Variants in PKD1 observed in about 807,000 individuals in gnomAD.
The protein encoded by PKD1 is polycystin 1, transient receptor potential channel interacting, also known as polycystin-1.
PKD1 carries 81 observed loss-of-function variants against 361.7 expected under a neutral mutation model. The observed-to-expected ratio is 0.22, with a 90% CI of 0.19 to 0.27. PKD1 has a LOEUF of 0.27. PKD1 is among the 10% of genes least tolerant of loss of function. The pLI is 1.00. For missense variants in PKD1, 6,399 were observed against 6,118.3 expected (o/e 1.05, Z -1.53); for synonymous variants, 3,615 against 2,818.3 (o/e 1.28, Z -8.95).
intron 43 of PKD1, 21 bp downstream of exon 43, chr16:2,090,863 G>A (rs780706091): frequency 1.9e-6 from 3 of 1,606,922 alleles, no homozygotes; most frequent in East Asian, 2.2e-5. Context: ...CCAGCCCCGC[G>A]CCCACCGGCC....
intron 42 of PKD1, 88 bp from the exon 43 acceptor site, chr16:2,091,262 A>AGGGGGCGGGACGCTG: frequency 7.7e-6 from 1 of 129,248 alleles, no homozygotes. Flanking sequence ...GCGGGGCCCT[A>AGGGGGCGGGACGCTG]CGAGGGGGCG....
At chr16:2,133,697 G>C (rs1394349876) in intron 1 of PKD1, among the ~76,000 whole-genome samples, 1 of 151,998 alleles carries the variant, frequency 6.6e-6, no homozygotes, top group Non-Finnish European at 1.5e-5. Flanking sequence ...CCCAGCGGCG[G>C]CCCCAGGTGT....
In PKD1 at chr16:2,118,436, C is replaced by G. The variant is rs1176754937; in HGVS notation, c.556G>C (p.Asp186His). 1.6e-5 allele frequency: 19 copies of G among 1,211,222 alleles called. No individual in the cohort carries two copies. The highest frequency in any genetic ancestry group is 2.2e-5 in the Non-Finnish European group (19 of 851,046). The allele number at this position is 1,211,222 out of a possible 1,614,324, so 75.0% of individuals were successfully genotyped here. A position where few individuals can be genotyped will look rare whatever the true frequency, so the allele number is the denominator to read the frequency against. The stretch of plus-strand genomic sequence containing the variant: ...GCTGCCACGGTGCCTGAGCTGTTGT[C>G]AGGGAGGCAGGCGACATACTCCTCA... ...CGEEYVACLP[D>H]NSSGTVAAVS... Residue 186 changes from aspartate (D) to histidine (H), a missense_variant, in exon 5 of 46, where the codon GAC becomes CAC. Physicochemically the swap from Asp to His is moderately conservative, Grantham distance 81. Coordinates refer to ENST00000262304, the MANE Select transcript of PKD1 (RefSeq NM_001009944.3). The surrounding 1 kb of genome is among the most constrained non-coding windows in gnomAD (Gnocchi z 6.0).
In PKD1 at chr16:2,089,822, G is replaced by C. The variant is rs144648696; in HGVS notation, c.12817C>G (p.Arg4273Gly). The change falls in exon 46 of 46, where the codon CGC (arginine) becomes GGC (glycine). Residue 4273 changes from arginine (R) to glycine (G), a missense_variant. By Grantham distance (125) the Arg-to-Gly change is moderately radical (BLOSUM62 -2). Transcript: ENST00000262304. ...SPGLRPALPS[R>G]LARASRGVDL... ...ACACCCCGACTGGCCCGGGCAAGGC[G>C]GCTGGGCAGTGCTGGCCGCAGGCCC... 1.9e-6 allele frequency: 3 copies of C among 1,602,966 alleles called. No homozygotes were observed. Among genetic ancestry groups the C allele is most frequent in the Non-Finnish European group, 2.6e-6 (3 of 1,175,492 alleles).
Position 2,102,555 on chromosome 16 carries a change from G to T in PKD1, c.9027C>A (p.Gly3009=), listed in dbSNP as rs1353069799. Residue 3009 remains glycine, a synonymous_variant, in exon 25 of 46, where the codon GGC becomes GGA. Transcript: ENST00000262304. The stretch of plus-strand genomic sequence containing the variant: ...AGTACTGGCACAGGGACGTGTACAG[G>T]CCCACGGACACCTGCAGCGCCGACC... ...FRWSALQVSV[G]LYTSLCQYFS... is the part of the protein sequence containing the mutation. 6.2e-7 allele frequency: 1 copy of T among 1,610,842 alleles called. No homozygotes were observed. The highest frequency in any genetic ancestry group is 8.5e-7 in the Non-Finnish European group (1 of 1,179,700).
Position 2,091,043 on chromosome 16 carries a change from C to T in PKD1, c.11844G>A (p.Thr3948=), listed in dbSNP as rs1304559824. The change falls in exon 43 of 46, where the codon ACG becomes ACA. Residue 3948 remains threonine, a synonymous_variant. Transcript: ENST00000262304. The part of the protein sequence containing the change: ...RWLLVALTAA[T]ALVRLAQLGA... ...CCAGCTGGGCGAGGCGTACCAGTGC[C>T]GTGGCCGCCGTCAGCGCCACCAGCA... is the stretch of plus-strand genomic sequence containing the variant. The T allele has an allele frequency of 7.9e-6, 12 of 1,526,280 alleles. No individual in the cohort carries two copies. Among genetic ancestry groups the T allele is most frequent in the Non-Finnish European group, 1.1e-5 (12 of 1,142,070 alleles). The allele number at this position is 1,526,280 out of a possible 1,614,324, so 94.5% of individuals were successfully genotyped here. A position where few individuals can be genotyped will look rare whatever the true frequency, so the allele number is the denominator to read the frequency against.
At chr16:2,119,969 G>A (rs1291292756) in intron 1 of PKD1, 12 of 601,398 alleles carry the variant, frequency 2.0e-5, no homozygotes, top group Non-Finnish European at 2.7e-5. Flanking sequence ...ACACAGCACC[G>A]TGGGAGCTGA....
In PKD1 at chr16:2,110,049, G is replaced by A. The variant is rs71385733; in HGVS notation, c.5118C>T (p.Ala1706=). ...CGAAGTCCATGGTGCAGTCGGCCCAGGCGCTGCCCAGCATGTTGGTGGCCC... is the reference window on the plus strand; with the variant it reads ...CGAAGTCCATGGTGCAGTCGGCCCAAGCGCTGCCCAGCATGTTGGTGGCCC... ...QLRATNMLGS[A]WADCTMDFVE... The change falls in exon 15 of 46, where the codon GCC becomes GCT. Residue 1706 remains alanine (A), a synonymous_variant. Transcript: ENST00000262304. The A allele has an allele frequency of 1.1e-5, 17 of 1,610,218 alleles. No homozygotes were observed. Among genetic ancestry groups the A allele is most frequent in the South Asian group, 7.7e-5 (7 of 90,948 alleles).
In PKD1 at chr16:2,090,639, G is replaced by C. The variant is rs376948349; in HGVS notation, c.12138+35C>G. On this transcript the variant is annotated intron_variant, in intron 44 of 45. Coordinates refer to ENST00000262304, the MANE Select transcript of PKD1 (RefSeq NM_001009944.3). ...AGGGCGTACAGCTGAGCTGAGCTGAGCTAAGACGCCCTCCCCGGCCGCGCA... is the reference window on the plus strand; with the variant it reads ...AGGGCGTACAGCTGAGCTGAGCTGACCTAAGACGCCCTCCCCGGCCGCGCA... 9.2e-5 allele frequency: 148 copies of C among 1,610,122 alleles called. No individual in the cohort carries two copies. In the African/African-American group the frequency reaches 1.8e-3, roughly 20 times the overall value.
At chr16:2,130,286 A>G (rs932176818) in intron 1 of PKD1, among the ~76,000 whole-genome samples, 1 of 152,068 alleles carries the variant, frequency 6.6e-6, no homozygotes, top group African/African-American at 2.4e-5. Flanking sequence ...TTCCTAGAAG[A>G]CACAGGCCTC....
Position 2,099,975 on chromosome 16 carries a change from G to A in PKD1, c.9809C>T (p.Pro3270Leu), listed in dbSNP as rs763040931. ...GATGCGAGTGAAACGGCTACGAGGC[G>A]GCCGGTCCCATATGGAGAGCCAGAT... is the stretch of plus-strand genomic sequence containing the variant. ...KHIWLSIWDRPPRSRFTRIQR... is the reference protein window; with the variant it reads ...KHIWLSIWDRLPRSRFTRIQR... The change falls in exon 29 of 46, where the codon CCG becomes CTG. Residue 3270 changes from proline to leucine, a missense_variant. Physicochemically the swap from Pro to Leu is moderately conservative, Grantham distance 98. Transcript: ENST00000262304. The A allele has an allele frequency of 2.5e-5, 39 of 1,563,302 alleles. No individual in the cohort carries two copies. Among genetic ancestry groups the A allele is most frequent in the South Asian group, 1.2e-4 (10 of 85,680 alleles).
rs2092321112 is a variant in PKD1 at position 2,105,911 on chromosome 16, T to C, written c.7817A>G (p.Gln2606Arg). 2 of 1,596,826 alleles carry C rather than the reference T, an allele frequency of 1.3e-6. No individual in the cohort carries two copies. Among genetic ancestry groups the C allele is most frequent in the South Asian group, 1.1e-5 (1 of 90,994 alleles). ...GGCCAACGAGTACTCGATGACGTGC[T>C]GGGGATCGGCCTGCCGCAGCAGCCC... Reference protein sequence around the residue: ...LPGLLRQADPQHVIEYSLALV... With the variant: ...LPGLLRQADPRHVIEYSLALV... Residue 2606 changes from glutamine to arginine, a missense_variant, in exon 20 of 46, where the codon CAG (glutamine) becomes CGG (arginine). Gln to Arg is a conservative substitution (Grantham distance 43, BLOSUM62 1). Coordinates refer to ENST00000262304, the MANE Select transcript of PKD1 (RefSeq NM_001009944.3).
rs755297914 is a variant in PKD1 at position 2,109,731 on chromosome 16, G to C, written c.5436C>G (p.Pro1812=). ...VSGLSIRASE[P]GGSFVAAGSS... ...ACCCGGCCGCCACGAAGCTGCCTCC[G>C]GGCTCGCTGGCCCTGATGCTGAGGC... is the stretch of plus-strand genomic sequence containing the variant. The change falls in exon 15 of 46, where the codon CCC becomes CCG. Residue 1812 remains proline, a synonymous_variant. Coordinates refer to ENST00000262304, the MANE Select transcript of PKD1 (RefSeq NM_001009944.3). 2.7e-5 allele frequency: 44 copies of C among 1,607,768 alleles called. No homozygotes were observed. The East Asian group carries it at 3.8e-4, about 14-fold the overall frequency.
chr16:2,133,735 T>G (rs1014313114), intron 1 of PKD1, among the ~76,000 whole-genome samples: 1 of 148,678 alleles, frequency 6.7e-6, no homozygotes, highest in Non-Finnish European at 1.5e-5. Context: ...CCTGCCCACA[T>G]GAGGTCACCC....
chr16:2,124,390 G>A (rs2092767044), intron 1 of PKD1, among the ~76,000 whole-genome samples: 2 of 152,248 alleles, frequency 1.3e-5, no homozygotes, highest in Admixed American at 1.3e-4. Context: ...CCTGGGCTCT[G>A]CCCACAGTTG....
rs1297060661 is a variant in PKD1, at chr16:2,097,501, A to G, written c.10223T>C (p.Leu3408Pro). Residue 3408 changes from leucine to proline, a missense_variant and splice_region_variant, in exon 33 of 46, where the codon CTG becomes CCG. By Grantham distance (98) the Leu-to-Pro change is moderately conservative. Coordinates refer to ENST00000262304, the MANE Select transcript of PKD1 (RefSeq NM_001009944.3). The part of the protein sequence containing the change: ...SDLFLDDSKS[L>P]VCWPSGEGTL... ...TCCCTCGCCGGAGGGCCAGCACACC[A>G]GACTGCAGGTGGCGCGGGTCAGCAA... 1.2e-6 allele frequency: 2 copies of G among 1,601,876 alleles called. No homozygotes were observed. Among genetic ancestry groups the G allele is most frequent in the African/African-American group, 1.3e-5 (1 of 75,000 alleles).
rs148888946 is a variant in PKD1, at chr16:2,107,590, G to C, written c.7065+293C>G. The C allele has an allele frequency of 2.5e-3, 1,256 of 512,100 alleles. 12 individuals are homozygous for C. The highest frequency in any genetic ancestry group is 0.022 in the African/African-American group (1,165 of 52,076). 31.7% of individuals were successfully genotyped at this position (512,100 alleles called of 1,614,324 possible). A position where few individuals can be genotyped will look rare whatever the true frequency, so the allele number is the denominator to read the frequency against. On this transcript the variant is annotated intron_variant, in intron 16 of 45. Coordinates refer to ENST00000262304, the MANE Select transcript of PKD1 (RefSeq NM_001009944.3). ...CATCCAGCAACAGGGACATGGGCTG[G>C]GGACAGTGGCTACCTCTGGGGTGGG...
At position 2,107,970 on chromosome 16, in the gene PKD1, T is replaced by A; in HGVS notation, c.6978A>T (p.Pro2326=). The change falls in exon 16 of 46, where the codon CCA becomes CCT. Residue 2326 remains proline, a synonymous_variant. Transcript: ENST00000262304. Reference sequence around the variant, plus strand: ...CCACGCCAGCCGCCAGCCGCTCCCGTGGAATGGTGACCGTGCTGCTCCCGC... The same window carrying A: ...CCACGCCAGCCGCCAGCCGCTCCCGAGGAATGGTGACCGTGCTGCTCCCGC... The part of the protein sequence containing the change: ...GPRGSSTVTI[P]RERLAAGVEY... 1 of 1,548,502 alleles carries A rather than the reference T, an allele frequency of 6.5e-7. No homozygotes were observed. Among genetic ancestry groups the A allele is most frequent in the Non-Finnish European group, 8.7e-7 (1 of 1,147,214 alleles).
At chr16:2,130,938 T>A (rs1282947504) in intron 1 of PKD1, among the ~76,000 whole-genome samples, 2 of 152,006 alleles carry the variant, frequency 1.3e-5, no homozygotes, top group African/African-American at 4.8e-5. Context: ...CCAGCCAGGG[T>A]GAGTGGCAAC....
Sources: gnomAD v4.1 joint callset for allele counts (sites outside exome capture counted in the v4.1 genomes callset) on GRCh38, gnomAD v4.1.1 for gene constraint, Gnocchi (gnomAD v3.1) non-coding constraint, MANE v1.5 for transcripts, NCBI Gene and HGNC (gene_info 2026-07-23, HGNC 2026-07-21) for gene names.